The following TENM4 variants were observed in gnomAD, a reference collection of about 807,000 sequenced individuals.
TENM4 encodes teneurin transmembrane protein 4.
A neutral mutation model predicts 243.3 loss-of-function variants in TENM4; 82 were observed. That is an observed-to-expected ratio of 0.34 (90% CI 0.28 to 0.40). The LOEUF is 0.40. Ranked by LOEUF, TENM4 falls within the 10% of genes least tolerant of loss-of-function variation. TENM4 has a pLI of 1.00. For missense variants in TENM4, 3,138 were observed against 3,673.3 expected, an observed-to-expected ratio of 0.85 and a Z score of 3.77; for synonymous variants, 1,412 against 1,456.3, an observed-to-expected ratio of 0.97 and a Z score of 0.69.
At chr11:79,423,665 G>A (rs1357219320) in intron 1 of TENM4, among the ~76,000 whole-genome samples, 1 of 151,470 alleles carries the variant, frequency 6.6e-6, no homozygotes, top group African/African-American at 2.4e-5. Context: ...TGCACTCCTG[G>A]AGCAGCAGGC....
intron 6 of TENM4, among the ~76,000 whole-genome samples, chr11:79,049,073 G>T (rs1008685428): frequency 1.3e-5 from 2 of 152,152 alleles, no homozygotes; most frequent in East Asian, 3.9e-4. Context: ...AGCCCCTGAG[G>T]TAGAGACCAC....
intron 6 of TENM4, among the ~76,000 whole-genome samples, chr11:79,058,300 T>C (rs536613845): frequency 3.1e-4 from 47 of 152,146 alleles, no homozygotes; most frequent in South Asian, 1.5e-3. Context: ...TCCCAGCACT[T>C]TGGGAGGCTG....
chr11:79,127,209 G>T (rs1861897811), intron 4 of TENM4, among the ~76,000 whole-genome samples: 1 of 152,228 alleles, frequency 6.6e-6, no homozygotes, highest in Non-Finnish European at 1.5e-5. Flanking sequence ...CATTAGAGCT[G>T]TCTCTACCTA....
chr11:79,005,175 C>G (rs1361315163), intron 6 of TENM4, among the ~76,000 whole-genome samples: 1 of 152,000 alleles, frequency 6.6e-6, no homozygotes, highest in East Asian at 1.9e-4. Context: ...CTGAATTCTA[C>G]CAGATGTATA....
At chr11:78,704,024 C>CAT (rs1555067557) in intron 27 of TENM4, among the ~76,000 whole-genome samples, 240 of 128,994 alleles carry the variant, frequency 1.9e-3, no homozygotes, top group African/African-American at 5.9e-3. Context: ...CACACACACA[C>CAT]ATATATATAT....
In TENM4 at chr11:78,767,951, G is replaced by A. The variant is rs181089659; in HGVS notation, c.2539+3041C>T. Among the ~76,000 whole-genome samples, 41 of 152,336 alleles carry A rather than the reference G, an allele frequency of 2.7e-4. 1 individual carries two copies. Among genetic ancestry groups the A allele is most frequent in the Admixed American group, 2.7e-3 (41 of 15,300 alleles). ...TTGGAAAGGAGCATGGTGCCTTGTA[G>A]ATAGCATGAGCCCTACAAAGGTGTG... On this transcript the variant is annotated intron_variant, in intron 18 of 33. Coordinates refer to ENST00000278550, the MANE Select transcript of TENM4 (RefSeq NM_001098816.3).
At chr11:78,876,257 T>A (rs1261214085) in intron 9 of TENM4, among the ~76,000 whole-genome samples, 2 of 152,216 alleles carry the variant, frequency 1.3e-5, no homozygotes, top group Non-Finnish European at 2.9e-5. Flanking sequence ...TGTATTTGCC[T>A]AGTGGAGCCT....
intron 6 of TENM4, among the ~76,000 whole-genome samples, chr11:78,947,403 G>A (rs1428609212): frequency 1.3e-5 from 2 of 152,168 alleles, no homozygotes; most frequent in Admixed American, 6.5e-5. Context: ...ACTGGATTGT[G>A]GTCTAGGCTT....
intron 1 of TENM4, among the ~76,000 whole-genome samples, chr11:79,374,269 C>A (rs1857846121): frequency 6.6e-6 from 1 of 152,084 alleles, no homozygotes; most frequent in Non-Finnish European, 1.5e-5. Context: ...AATACCCGTA[C>A]TTTTGCAGGG....
At chr11:79,171,869 G>A (rs1378836012) in intron 3 of TENM4, among the ~76,000 whole-genome samples, 6 of 152,194 alleles carry the variant, frequency 3.9e-5, no homozygotes, top group African/African-American at 1.4e-4. Flanking sequence ...TCTCTAACAA[G>A]CTAAAATTCT....
chr11:78,985,646 C>T (rs1857900261), intron 6 of TENM4, among the ~76,000 whole-genome samples: 1 of 152,120 alleles, frequency 6.6e-6, no homozygotes, highest in African/African-American at 2.4e-5. Flanking sequence ...ATTGGTAGGG[C>T]TTTCTGTACG....
intron 9 of TENM4, among the ~76,000 whole-genome samples, chr11:78,871,443 T>C (rs981642182): frequency 6.6e-6 from 1 of 152,046 alleles, no homozygotes; most frequent in African/African-American, 2.4e-5. Flanking sequence ...CTGAGTTTTG[T>C]ATTAGGGGAC....
chr11:79,006,013 A>T (rs957245276), intron 6 of TENM4, among the ~76,000 whole-genome samples: 49 of 152,208 alleles, frequency 3.2e-4, no homozygotes, highest in African/African-American at 1.1e-3. Context: ...TTTTTTCACC[A>T]CAACAGAATT....
intron 4 of TENM4, among the ~76,000 whole-genome samples, chr11:79,079,665 C>T (rs1055493194): frequency 3.9e-5 from 6 of 151,984 alleles, no homozygotes; most frequent in Admixed American, 6.5e-5. Flanking sequence ...CCCATCTCTA[C>T]GAAATATACA....
intron 4 of TENM4, among the ~76,000 whole-genome samples, chr11:79,081,375 C>A (rs1860668217): frequency 6.6e-6 from 1 of 152,284 alleles, no homozygotes; most frequent in Middle Eastern, 3.4e-3. Flanking sequence ...AGCTTCTTGT[C>A]TTATAAAACT....
At position 79,026,037 on chromosome 11, in the gene TENM4, C is replaced by A. The variant is rs79201083; in HGVS notation, c.493+38701G>T. ...TTCTAGATGCTGTAAGCCTTCGATT[C>A]TCTGTGCTCCAACGAGGGCAACGAT... On this transcript the variant is annotated intron_variant, in intron 6 of 33. Transcript: ENST00000278550. Among the ~76,000 whole-genome samples the A allele has an allele frequency of 5.6e-3, 860 of 152,288 alleles. 23 individuals carry two copies. The East Asian group carries it at 0.075, about 13-fold the overall frequency.
Position 78,657,910 on chromosome 11 carries a change from A to G in TENM4, c.*148T>C. On this transcript the variant is annotated 3_prime_UTR_variant, in exon 34 of 34. Transcript: ENST00000278550. ...CAAATCTGTGTTTTTCTTTTCTAAA[A>G]AAAAGGATGTTGCATGAGTTACAAT... 2 of 1,293,108 alleles carry G rather than the reference A, an allele frequency of 1.5e-6. No homozygotes were observed. The highest frequency in any genetic ancestry group is 2.2e-6 in the Non-Finnish European group (2 of 907,212). The allele number at this position is 1,293,108 out of a possible 1,614,324, so 80.1% of individuals were successfully genotyped here. A position where few individuals can be genotyped will look rare whatever the true frequency, so the allele number is the denominator to read the frequency against.
chr11:79,134,308 C>T (rs1437357712), intron 4 of TENM4, among the ~76,000 whole-genome samples: 1 of 152,068 alleles, frequency 6.6e-6, no homozygotes, highest in African/African-American at 2.4e-5. Context: ...AAGATCTCTA[C>T]AAGGAAAACT....
chr11:79,229,739 T>C (rs192657385), intron 2 of TENM4, among the ~76,000 whole-genome samples: 68 of 152,328 alleles, frequency 4.5e-4, no homozygotes, highest in Admixed American at 3.9e-4. Flanking sequence ...TGTTTATTGC[T>C]ACATTGAAAG....
Sources: gnomAD v4.1 joint callset for allele counts (sites outside exome capture counted in the v4.1 genomes callset) on GRCh38, gnomAD v4.1.1 for gene constraint, MANE v1.5 for transcripts, NCBI Gene and HGNC (gene_info 2026-07-23, HGNC 2026-07-21) for gene names.